TEX2: variants seen among roughly 807,000 people sequenced by gnomAD.
The protein encoded by TEX2 is testis expressed 2, also known as testis-expressed protein 2.
Under a neutral mutation model 106.9 loss-of-function variants are expected in TEX2, and 53 were observed. The ratio of observed to expected loss-of-function variants is 0.50; its 90% confidence interval spans 0.40 to 0.62. The LOEUF is 0.62. Ranked by LOEUF, TEX2 falls within the 20% of genes least tolerant of loss-of-function variation. The pLI is 0.00. For synonymous variants in TEX2, 523 were observed against 534.8 expected, an observed-to-expected ratio of 0.98 and a Z score of 0.30; for missense variants, 1,207 against 1,379.0, an observed-to-expected ratio of 0.88 and a Z score of 1.98.
In TEX2 at chr17:64,255,028, C is replaced by CTTTTTTTTT. The variant is rs566755382; in HGVS notation, c.-26+8131_-26+8139dup. On this transcript the variant is annotated intron_variant, in intron 1 of 11. Transcript: ENST00000584379. ...TACAGGTGTGTGTCACTGCATCTGG[C>CTTTTTTTTT]TTTTTTTTTTTTTTTTTTGTAGAGG... 1.1e-4 allele frequency among the ~76,000 whole-genome samples: 14 copies of CTTTTTTTTT among 132,490 alleles called. 7 individuals carry two copies. Among genetic ancestry groups the CTTTTTTTTT allele is most frequent in the South Asian group, 4.9e-4 (2 of 4,074 alleles). The allele number at this position is 132,490 out of a possible 152,430, so 86.9% of individuals were successfully genotyped here.
At chr17:64,201,170 C>G (rs1210888954) in intron 2 of TEX2, among the ~76,000 whole-genome samples, 2 of 152,170 alleles carry the variant, frequency 1.3e-5, no homozygotes, top group African/African-American at 4.8e-5. Flanking sequence ...TCTGACAGAC[C>G]TGGGTTCCAA....
intron 1 of TEX2, among the ~76,000 whole-genome samples, chr17:64,254,305 TA>T (rs2034145814): frequency 6.6e-6 from 1 of 152,222 alleles, no homozygotes; most frequent in African/African-American, 2.4e-5. Flanking sequence ...TCCTTTTCTC[TA>T]AAATGTACTG....
chr17:64,164,807 G>A (rs1260516432), intron 7 of TEX2, among the ~76,000 whole-genome samples: 1 of 152,234 alleles, frequency 6.6e-6, no homozygotes, highest in Non-Finnish European at 1.5e-5. Context: ...CAGATAAGGG[G>A]TGGCCACAAC....
intron 6 of TEX2, among the ~76,000 whole-genome samples, chr17:64,174,068 A>C (rs971807964): frequency 6.6e-6 from 1 of 152,106 alleles, no homozygotes; most frequent in Non-Finnish European, 1.5e-5. Flanking sequence ...TCTGGTCTCA[A>C]ACTACTGGGC....
intron 5 of TEX2, among the ~76,000 whole-genome samples, chr17:64,177,982 C>G (rs751384078): frequency 2.6e-5 from 4 of 152,156 alleles, no homozygotes; most frequent in Non-Finnish European, 4.4e-5. Context: ...GGATCCTACC[C>G]CCAGAGTCAC....
chr17:64,188,501 G>T (rs886197644), intron 4 of TEX2, 86 bp from the exon 5 acceptor site: 4 of 1,578,102 alleles, frequency 2.5e-6, no homozygotes, highest in Non-Finnish European at 3.4e-6. Context: ...CAGCTACAAT[G>T]CTATCAAATG....
chr17:64,250,565 G>T (rs2034070333), intron 1 of TEX2, among the ~76,000 whole-genome samples: 1 of 152,180 alleles, frequency 6.6e-6, no homozygotes, highest in African/African-American at 2.4e-5. Context: ...ACAAACATCT[G>T]CATGGTCTAC....
intron 5 of TEX2, among the ~76,000 whole-genome samples, chr17:64,183,176 G>A (rs541880820): frequency 6.6e-6 from 1 of 152,328 alleles, no homozygotes; most frequent in African/African-American, 2.4e-5. Flanking sequence ...GAACTGCTGG[G>A]CTTACAGGCG....
intron 1 of TEX2, among the ~76,000 whole-genome samples, chr17:64,232,083 A>G (rs1403831620): frequency 6.6e-6 from 1 of 152,218 alleles, no homozygotes; most frequent in Non-Finnish European, 1.5e-5. Context: ...TGACACAATG[A>G]CAATGTAAAA....
chr17:64,182,074 A>G (rs1317251767), intron 5 of TEX2, among the ~76,000 whole-genome samples: 4 of 152,138 alleles, frequency 2.6e-5, no homozygotes, highest in African/African-American at 9.7e-5. Context: ...TGTGGAAGCA[A>G]GCCAAGCACC....
chr17:64,160,775 T>G, intron 8 of TEX2, 26 bp downstream of exon 8: 2 of 1,612,194 alleles, frequency 1.2e-6, no homozygotes, highest in Non-Finnish European at 1.7e-6. Context: ...AGGATTGGAT[T>G]AGTAAATTCA....
intron 6 of TEX2, among the ~76,000 whole-genome samples, chr17:64,171,567 G>A (rs1362399574): frequency 6.6e-6 from 1 of 152,104 alleles, no homozygotes; most frequent in Non-Finnish European, 1.5e-5. Flanking sequence ...CTGAGGAGTG[G>A]CATTTGAGCA....
intron 5 of TEX2, among the ~76,000 whole-genome samples, chr17:64,179,769 T>TA (rs11413860): frequency 0.71 from 105,614 of 149,496 alleles, 37,193 homozygotes; most frequent in East Asian, 0.82. Context: ...GAGTCTCATT[T>TA]AAAAAAAAAA....
At chr17:64,255,924 T>G (rs1228038233) in intron 1 of TEX2, 1 of 152,258 alleles carries the variant, frequency 6.6e-6, no homozygotes, top group Non-Finnish European at 1.5e-5. Flanking sequence ...ATCCAAACAC[T>G]AAAGCAAACA....
Position 64,148,482 on chromosome 17 carries a change from C to T in TEX2, c.*487G>A, listed in dbSNP as rs923248818. On this transcript the variant is annotated 3_prime_UTR_variant, in exon 12 of 12. Coordinates refer to ENST00000584379, the MANE Select transcript of TEX2 (RefSeq NM_001288732.2). ...CTTCTGTCACCGAAATGAAAAGGCT[C>T]ACAGAATTCCTCTCCCCACCCTCCA... The T allele has an allele frequency of 1.9e-5, 3 of 153,880 alleles. No homozygotes were observed. Among genetic ancestry groups the T allele is most frequent in the African/African-American group, 7.2e-5 (3 of 41,460 alleles). 9.5% of individuals were successfully genotyped at this position (153,880 alleles called of 1,614,324 possible).
intron 2 of TEX2, among the ~76,000 whole-genome samples, chr17:64,201,402 G>GT (rs1447461954): frequency 6.6e-6 from 1 of 152,142 alleles, no homozygotes; most frequent in East Asian, 1.9e-4. Flanking sequence ...TAAGCATATG[G>GT]TTTTTTAAAC....
intron 7 of TEX2, among the ~76,000 whole-genome samples, chr17:64,164,577 C>T (rs929268602): frequency 6.6e-6 from 1 of 152,178 alleles, no homozygotes; most frequent in Admixed American, 6.5e-5. Flanking sequence ...ATTACCACTA[C>T]CACCACTACA....
chr17:64,167,251 G>A (rs2031179366), intron 7 of TEX2, among the ~76,000 whole-genome samples: 1 of 152,208 alleles, frequency 6.6e-6, no homozygotes, highest in South Asian at 2.1e-4. Context: ...ACAGCAGCAA[G>A]GCCATGAAAG....
chr17:64,169,414 T>C (rs1598132847), intron 7 of TEX2, among the ~76,000 whole-genome samples: 1 of 152,216 alleles, frequency 6.6e-6, no homozygotes, highest in East Asian at 1.9e-4. Context: ...AAAGGTTTTC[T>C]ACTTTTACTT....
Sources: allele counts gnomAD v4.1 joint callset (sites outside exome capture counted in the v4.1 genomes callset), GRCh38; gene constraint gnomAD v4.1.1; transcripts MANE v1.5; gene names NCBI Gene and HGNC (gene_info 2026-07-23, HGNC 2026-07-21).